Variants in PKP2 observed in about 807,000 individuals in gnomAD.
The protein encoded by PKP2 is plakophilin-2.
PKP2 carries 73 observed loss-of-function variants against 83.4 expected under a neutral mutation model. The ratio of observed to expected loss-of-function variants is 0.88; its 90% CI spans 0.72 to 1.06. PKP2 has a LOEUF of 1.06. PKP2 is among the 50% of genes least tolerant of loss of function. The pLI is 0.00. For synonymous variants in PKP2, 409 were observed against 430.4 expected (o/e 0.95, Z 0.62); for missense variants, 966 against 1,065.4 (o/e 0.91, Z 1.30).
Position 32,819,313 on chromosome 12 carries a change from C to CAATAAAATAAAATAA in PKP2, c.2013+2028_2013+2042dup, listed in dbSNP as rs1201854178. On this transcript the variant is annotated intron_variant, in intron 9 of 12. Transcript: ENST00000340811. ...CAATACAATACAATACAATACAATA[C>CAATAAAATAAAATAA]AATAAAATAAAATAAAATAAAATAA... is the stretch of plus-strand genomic sequence containing the variant. 1.1e-3 allele frequency among the ~76,000 whole-genome samples: 160 copies of CAATAAAATAAAATAA among 146,464 alleles called. 2 individuals carry two copies. The highest frequency in any genetic ancestry group is 4.4e-3 in the East Asian group (21 of 4,752).
intron 1 of PKP2, among the ~76,000 whole-genome samples, chr12:32,882,909 G>A (rs1363337146): frequency 6.6e-6 from 1 of 152,148 alleles, no homozygotes; most frequent in African/African-American, 2.4e-5. Flanking sequence ...CTATGACATT[G>A]TCATTTATCA....
intron 4 of PKP2, among the ~76,000 whole-genome samples, chr12:32,867,884 C>T (rs1266097275): frequency 6.6e-6 from 1 of 152,186 alleles, no homozygotes; most frequent in African/African-American, 2.4e-5. Context: ...TTCCTCCTCC[C>T]TCACAAATGT....
Position 32,878,191 on chromosome 12 carries a change from A to C in PKP2, c.689T>G (p.Val230Gly), listed in dbSNP as rs1956952011. Residue 230 changes from valine (V) to glycine (G), a missense_variant, in exon 3 of 13, where the codon GTT becomes GGT. Coordinates refer to ENST00000340811, the MANE Select transcript of PKP2 (RefSeq NM_001005242.3). Reference protein sequence around the residue: ...QYQHGSVSDTVFDSIPANPAL... With the variant: ...QYQHGSVSDTGFDSIPANPAL... ...CGGGTTGGCAGGGATGCTGTCAAAA[A>C]CGGTGTCGCTAACAGAGCCATGCTG... 1.2e-6 allele frequency: 2 copies of C among 1,613,944 alleles called. No homozygotes were observed. Among genetic ancestry groups the C allele is most frequent in the African/African-American group, 1.3e-5 (1 of 74,866 alleles).
intron 3 of PKP2, among the ~76,000 whole-genome samples, chr12:32,870,298 G>C (rs1400024761): frequency 6.6e-6 from 1 of 152,120 alleles, no homozygotes; most frequent in Non-Finnish European, 1.5e-5. Context: ...GTGTGCCTGT[G>C]TGTGGGTGGG....
chr12:32,889,298 C>T (rs1490651105), intron 1 of PKP2, among the ~76,000 whole-genome samples: 1 of 152,060 alleles, frequency 6.6e-6, no homozygotes, highest in Non-Finnish European at 1.5e-5. Context: ...ATGCTGTGTT[C>T]AATAATTTTA....
intron 9 of PKP2, among the ~76,000 whole-genome samples, chr12:32,814,775 A>T (rs544095273): frequency 6.6e-6 from 1 of 152,174 alleles, no homozygotes; most frequent in Admixed American, 6.5e-5. Flanking sequence ...AGTACAAAAA[A>T]TTAGCTGAGC....
intron 6 of PKP2, 43 bp downstream of exon 6, chr12:32,840,985 T>A: frequency 1.3e-6 from 2 of 1,523,190 alleles, no homozygotes; most frequent in Non-Finnish European, 1.8e-6. Flanking sequence ...CTACCTAATT[T>A]TTTATTGCAT....
intron 6 of PKP2, 118 bp downstream of exon 6, chr12:32,840,910 A>G: frequency 7.9e-6 from 6 of 762,124 alleles, no homozygotes; most frequent in South Asian, 6.0e-5. Context: ...AAATAAACAA[A>G]CCATCAAACA....
chr12:32,888,193 A>G (rs1322826901), intron 1 of PKP2, among the ~76,000 whole-genome samples: 2 of 152,158 alleles, frequency 1.3e-5, no homozygotes, highest in Non-Finnish European at 2.9e-5. Flanking sequence ...GAATGAATAC[A>G]CTGTTCATTT....
intron 9 of PKP2, among the ~76,000 whole-genome samples, chr12:32,812,905 C>G (rs141519568): frequency 6.6e-6 from 1 of 152,326 alleles, no homozygotes; most frequent in Non-Finnish European, 1.5e-5. Flanking sequence ...TATATTCAGT[C>G]AAATCCATGT....
At chr12:32,868,429 C>T (rs574520220) in intron 4 of PKP2, among the ~76,000 whole-genome samples, 2 of 152,180 alleles carry the variant, frequency 1.3e-5, no homozygotes, top group South Asian at 2.1e-4. Context: ...TTTGGCCAGG[C>T]TGGTCTTGAA....
chr12:32,810,130 C>T (rs1197451769), intron 9 of PKP2, among the ~76,000 whole-genome samples: 1 of 152,174 alleles, frequency 6.6e-6, no homozygotes, highest in Non-Finnish European at 1.5e-5. Context: ...AAGCCCATCA[C>T]ACAATTTTAC....
chr12:32,825,548 T>G (rs949693330), intron 6 of PKP2, among the ~76,000 whole-genome samples: 1 of 152,186 alleles, frequency 6.6e-6, no homozygotes, highest in Non-Finnish European at 1.5e-5. Flanking sequence ...GTTAGTGTCA[T>G]TCTGAACATC....
At chr12:32,815,904 C>T (rs2137757905) in intron 9 of PKP2, among the ~76,000 whole-genome samples, 1 of 152,142 alleles carries the variant, frequency 6.6e-6, no homozygotes, top group South Asian at 2.1e-4. Flanking sequence ...AGAATTTGCT[C>T]CATAAGGAAA....
intron 4 of PKP2, among the ~76,000 whole-genome samples, chr12:32,854,311 C>A (rs562025045): frequency 6.6e-6 from 1 of 152,188 alleles, no homozygotes; most frequent in Non-Finnish European, 1.5e-5. Context: ...TACAGACATA[C>A]CAGTGCTTAG....
intron 9 of PKP2, among the ~76,000 whole-genome samples, chr12:32,804,616 G>C (rs1956212070): frequency 6.6e-6 from 1 of 152,184 alleles, no homozygotes; most frequent in Non-Finnish European, 1.5e-5. Context: ...CCATGTCCCT[G>C]CAAAGGACAT....
intron 6 of PKP2, among the ~76,000 whole-genome samples, chr12:32,825,058 A>G (rs1956422619): frequency 6.6e-6 from 1 of 152,136 alleles, no homozygotes; most frequent in Non-Finnish European, 1.5e-5. Context: ...AGTCAACAAG[A>G]ATGACAAAAA....
intron 5 of PKP2, among the ~76,000 whole-genome samples, chr12:32,843,833 T>C (rs17543513): frequency 0.018 from 2,810 of 152,258 alleles, 40 homozygotes; most frequent in Non-Finnish European, 0.027. Flanking sequence ...AGTCTGAGGC[T>C]GAGTTTTGGT....
At chr12:32,878,668 C>T (rs1956958643) in intron 2 of PKP2, 125 bp from the exon 3 acceptor site, 2 of 857,716 alleles carry the variant, frequency 2.3e-6, no homozygotes, top group Non-Finnish European at 1.8e-6. Context: ...GAGAAGTTTG[C>T]CCCTTTCTGG....
Sources: gnomAD v4.1 joint callset for allele counts (sites outside exome capture counted in the v4.1 genomes callset) on GRCh38, gnomAD v4.1.1 for gene constraint, MANE v1.5 for transcripts, NCBI Gene and HGNC (gene_info 2026-07-23, HGNC 2026-07-21) for gene names.